The following PACS1 variants were observed in gnomAD, a reference collection of about 807,000 sequenced individuals.
PACS1 encodes the protein PACS-1.
A neutral mutation model predicts 115.0 loss-of-function variants in PACS1; 24 were observed. That is an observed-to-expected ratio of 0.21 (90% CI 0.15 to 0.29). PACS1 has a LOEUF of 0.29. Among genes scored for constraint, PACS1 ranks in the 10% least tolerant of loss-of-function variants. The probability of loss-of-function intolerance (pLI) is 1.00; values close to 1 mark genes in which losing one functional copy is unlikely to be tolerated. For missense variants in PACS1, 838 were observed against 1,251.2 expected (o/e 0.67, Z 4.98); for synonymous variants, 453 against 504.5 (o/e 0.90, Z 1.37).
At chr11:66,134,747 G>C (rs1858804193) in intron 1 of PACS1, among the ~76,000 whole-genome samples, 1 of 151,890 alleles carries the variant, frequency 6.6e-6, no homozygotes, top group African/African-American at 2.4e-5. Context: ...GTAGAAACTT[G>C]GTCACGGTGT....
intron 7 of PACS1, among the ~76,000 whole-genome samples, chr11:66,218,979 G>A (rs1855277117): frequency 6.6e-6 from 1 of 152,044 alleles, no homozygotes; most frequent in Non-Finnish European, 1.5e-5. Flanking sequence ...GCTAGAAACA[G>A]GCAGACCCAG....
intron 1 of PACS1, among the ~76,000 whole-genome samples, chr11:66,169,890 A>T (rs1590793659): frequency 6.6e-6 from 1 of 150,456 alleles, no homozygotes; most frequent in Non-Finnish European, 1.5e-5. Context: ...TGTATATAAG[A>T]TTAAAATGAT....
intron 1 of PACS1, among the ~76,000 whole-genome samples, chr11:66,080,322 TG>T (rs918323722): frequency 2.0e-5 from 3 of 151,754 alleles, no homozygotes; most frequent in African/African-American, 7.3e-5. Flanking sequence ...TGCTTTCTGG[TG>T]GGGGTGACAG....
At chr11:66,223,805 C>G (rs1855410827) in intron 10 of PACS1, among the ~76,000 whole-genome samples, 1 of 152,140 alleles carries the variant, frequency 6.6e-6, no homozygotes, top group South Asian at 2.1e-4. Context: ...TGTTAGTTAC[C>G]TGACTTATAA....
intron 1 of PACS1, among the ~76,000 whole-genome samples, chr11:66,075,164 C>T (rs146693872): frequency 5.3e-4 from 80 of 152,122 alleles, no homozygotes; most frequent in Non-Finnish European, 1.0e-3. Flanking sequence ...AGGATGGTCT[C>T]GATCTCCTGA....
intron 1 of PACS1, among the ~76,000 whole-genome samples, chr11:66,123,644 C>T (rs1858500571): frequency 6.6e-6 from 1 of 152,036 alleles, no homozygotes; most frequent in African/African-American, 2.4e-5. Flanking sequence ...GCCTCAGCCT[C>T]CCAAGTAGCT....
intron 10 of PACS1, among the ~76,000 whole-genome samples, chr11:66,223,239 C>T (rs1360485492): frequency 2.0e-5 from 3 of 151,954 alleles, no homozygotes; most frequent in African/African-American, 7.3e-5. Flanking sequence ...ACTGCAGGCA[C>T]GTGCCACCCA....
intron 5 of PACS1, 47 bp downstream of exon 5, chr11:66,216,310 C>G: frequency 6.2e-7 from 1 of 1,607,268 alleles, no homozygotes; most frequent in African/African-American, 1.3e-5. Context: ...GGGAGCCCAT[C>G]CTGGGAAAGG....
chr11:66,143,214 T>C (rs993568451), intron 1 of PACS1, among the ~76,000 whole-genome samples: 4 of 152,330 alleles, frequency 2.6e-5, no homozygotes, highest in East Asian at 3.9e-4. Context: ...CAGTTAACTC[T>C]ACTTGTAATG....
intron 1 of PACS1, among the ~76,000 whole-genome samples, chr11:66,148,146 A>T (rs2134604163): frequency 6.6e-6 from 1 of 152,218 alleles, no homozygotes; most frequent in Admixed American, 6.5e-5. Flanking sequence ...TGTACTTTTT[A>T]AAAATTAATT....
intron 1 of PACS1, among the ~76,000 whole-genome samples, chr11:66,187,021 G>A (rs965827031): frequency 6.6e-6 from 1 of 152,262 alleles, no homozygotes; most frequent in Non-Finnish European, 1.5e-5. Flanking sequence ...GGCTCTTCCG[G>A]CTCAGTGTAG....
At chr11:66,175,557 C>A (rs1249473456) in intron 1 of PACS1, among the ~76,000 whole-genome samples, 1 of 152,212 alleles carries the variant, frequency 6.6e-6, no homozygotes, top group Non-Finnish European at 1.5e-5. Flanking sequence ...TTCTTTTACA[C>A]TTTCACTGTC....
In PACS1 at chr11:66,235,408, G is replaced by T; in HGVS notation, c.2207+5G>T. ...GCTGACTTGCCGGCATAAGTTGTAAGTTTGACTTTGAGGGGTTTCTTAAAA... is the reference window on the plus strand; with the variant it reads ...GCTGACTTGCCGGCATAAGTTGTAATTTTGACTTTGAGGGGTTTCTTAAAA... On this transcript the variant is annotated splice_donor_5th_base_variant and intron_variant, in intron 18 of 23. Transcript: ENST00000320580. This position sits in a 1 kb window ranked among gnomAD's most constrained non-coding sequence, Gnocchi z 5.6. 6.2e-7 allele frequency: 1 copy of T among 1,608,220 alleles called. No individual in the cohort carries two copies. Among genetic ancestry groups the T allele is most frequent in the South Asian group, 1.1e-5 (1 of 90,960 alleles).
At chr11:66,165,591 T>A (rs1040597207) in intron 1 of PACS1, among the ~76,000 whole-genome samples, 1 of 152,146 alleles carries the variant, frequency 6.6e-6, no homozygotes, top group Non-Finnish European at 1.5e-5. Context: ...CTGCCCTATT[T>A]ACCCCAAAAC....
At chr11:66,146,208 C>T (rs1859120753) in intron 1 of PACS1, among the ~76,000 whole-genome samples, 1 of 152,090 alleles carries the variant, frequency 6.6e-6, no homozygotes, top group African/African-American at 2.4e-5. Flanking sequence ...GAAACTGTCT[C>T]TGAGAGAGCC....
intron 1 of PACS1, among the ~76,000 whole-genome samples, chr11:66,086,227 C>T (rs1347980683): frequency 6.6e-6 from 1 of 151,256 alleles, no homozygotes; most frequent in Non-Finnish European, 1.5e-5. Flanking sequence ...AGGCTCCGCC[C>T]CCCGGGGTTC....
At chr11:66,168,613 T>G in intron 1 of PACS1, among the ~76,000 whole-genome samples, 1 of 150,356 alleles carries the variant, frequency 6.7e-6, no homozygotes, top group East Asian at 1.9e-4. Context: ...CTCATTTTCC[T>G]CATCTGTAAA....
intron 1 of PACS1, among the ~76,000 whole-genome samples, chr11:66,158,966 CAGAG>C (rs1859425224): frequency 1.3e-5 from 2 of 152,032 alleles, no homozygotes; most frequent in African/African-American, 4.8e-5. Flanking sequence ...TTAAAAGCAT[CAGAG>C]AGAAAAGTCA....
At chr11:66,072,210 G>A (rs561512909) in intron 1 of PACS1, among the ~76,000 whole-genome samples, 2 of 152,194 alleles carry the variant, frequency 1.3e-5, no homozygotes, top group East Asian at 3.9e-4. Context: ...AGGTTTGTGA[G>A]AATCATCCAT....
Sources: gnomAD v4.1 joint callset for allele counts (sites outside exome capture counted in the v4.1 genomes callset) on GRCh38, gnomAD v4.1.1 for gene constraint, Gnocchi (gnomAD v3.1) non-coding constraint, MANE v1.5 for transcripts, NCBI Gene and HGNC (gene_info 2026-07-23, HGNC 2026-07-21) for gene names.